The following TAS2R1 variants were observed in gnomAD, a reference collection of about 807,000 sequenced individuals.
TAS2R1 encodes the protein taste 2 receptor member 1.
For missense variants in TAS2R1, 370 were observed against 353.4 expected, an observed-to-expected ratio of 1.05 and a Z score of -0.38; for synonymous variants, 141 against 134.2, an observed-to-expected ratio of 1.05 and a Z score of -0.35.
At chr5:9,663,923 CA>C (rs1740583050) in intron 1 of TAS2R1, among the ~76,000 whole-genome samples, 2 of 152,192 alleles carry the variant, frequency 1.3e-5, no homozygotes, top group African/African-American at 4.8e-5. Context: ...GGAATGCCAA[CA>C]ATTGCCCACG....
chr5:9,768,823 CATAAG>C, the TAS2R1 span, among the ~76,000 whole-genome samples: 2 of 152,098 alleles, frequency 1.3e-5, no homozygotes, highest in African/African-American at 2.4e-5. Context: ...TTATGGGGTG[CATAAG>C]ATATTTTGAT....
chr5:9,788,964 A>G, the TAS2R1 span, among the ~76,000 whole-genome samples: 1 of 152,210 alleles, frequency 6.6e-6, no homozygotes, highest in Non-Finnish European at 1.5e-5. Context: ...GTATGCATTT[A>G]TACACATGCC....
the TAS2R1 span, among the ~76,000 whole-genome samples, chr5:9,881,443 T>C: frequency 6.6e-6 from 1 of 152,116 alleles, no homozygotes; most frequent in Non-Finnish European, 1.5e-5. Flanking sequence ...CCAAGTAATT[T>C]ATAGATTCAA....
At chr5:9,725,181 G>A in the TAS2R1 span, among the ~76,000 whole-genome samples, 8 of 152,356 alleles carry the variant, frequency 5.3e-5, no homozygotes, top group Non-Finnish European at 8.8e-5. Context: ...CGCTCTGGGC[G>A]CCTCCTCTGC....
the TAS2R1 span, among the ~76,000 whole-genome samples, chr5:9,883,746 T>C: frequency 6.6e-6 from 1 of 152,278 alleles, no homozygotes; most frequent in Non-Finnish European, 1.5e-5. Flanking sequence ...CACATGCATC[T>C]ACGATCAGCT....
At chr5:9,721,212 T>C in the TAS2R1 span, among the ~76,000 whole-genome samples, 1 of 152,366 alleles carries the variant, frequency 6.6e-6, no homozygotes, top group South Asian at 2.1e-4. Context: ...AGTTACTATG[T>C]GTGGCATGAA....
chr5:9,828,517 G>A, the TAS2R1 span, among the ~76,000 whole-genome samples: 1 of 152,204 alleles, frequency 6.6e-6, no homozygotes, highest in African/African-American at 2.4e-5. Context: ...AGTATATGGT[G>A]TGACATGAGG....
chr5:9,719,656 C>T, the TAS2R1 span, among the ~76,000 whole-genome samples: 7 of 151,496 alleles, frequency 4.6e-5, no homozygotes, highest in Non-Finnish European at 8.8e-5. Context: ...TGGCCGGGCG[C>T]GGTGGCTCAC....
chr5:9,770,404 T>C, the TAS2R1 span, among the ~76,000 whole-genome samples: 1 of 152,188 alleles, frequency 6.6e-6, no homozygotes, highest in African/African-American at 2.4e-5. Flanking sequence ...TTGGGTCTTT[T>C]GTGGTTCCAT....
chr5:9,635,449 T>C (rs1739945529), intron 2 of TAS2R1, among the ~76,000 whole-genome samples: 1 of 152,130 alleles, frequency 6.6e-6, no homozygotes. Context: ...ATTAGGGTGA[T>C]ACTGGCTTCA....
chr5:9,856,752 A>G, the TAS2R1 span, among the ~76,000 whole-genome samples: 10 of 152,332 alleles, frequency 6.6e-5, no homozygotes, highest in Non-Finnish European at 1.5e-4. Context: ...AGAAATCACC[A>G]TGAGTAAAAT....
At chr5:9,804,097 T>C in the TAS2R1 span, among the ~76,000 whole-genome samples, 1 of 152,162 alleles carries the variant, frequency 6.6e-6, no homozygotes, top group African/African-American at 2.4e-5. Flanking sequence ...ACTATTCTTA[T>C]ATCAGATAAA....
chr5:9,846,943 G>T, the TAS2R1 span, among the ~76,000 whole-genome samples: 1 of 152,154 alleles, frequency 6.6e-6, no homozygotes, highest in South Asian at 2.1e-4. Flanking sequence ...CCTCAAAGTT[G>T]CAGTCTCAGG....
At chr5:9,897,603 T>C in the TAS2R1 span, among the ~76,000 whole-genome samples, 44 of 152,350 alleles carry the variant, frequency 2.9e-4, no homozygotes, top group Admixed American at 2.2e-3. Context: ...ATAACTTTCC[T>C]GAAATGACAA....
the TAS2R1 span, among the ~76,000 whole-genome samples, chr5:9,736,657 A>T: frequency 1.3e-5 from 2 of 152,308 alleles, no homozygotes; most frequent in African/African-American, 4.8e-5. Flanking sequence ...TCCCAAATAA[A>T]GTACTTGTGT....
the TAS2R1 span, among the ~76,000 whole-genome samples, chr5:9,772,200 T>C: frequency 6.6e-6 from 1 of 152,142 alleles, no homozygotes; most frequent in Non-Finnish European, 1.5e-5. Flanking sequence ...TGGTACGTTA[T>C]ATTGCCATTA....
intron 2 of TAS2R1, among the ~76,000 whole-genome samples, chr5:9,636,383 C>A (rs1739964799): frequency 6.6e-6 from 1 of 151,892 alleles, no homozygotes; most frequent in Non-Finnish European, 1.5e-5. Context: ...GAGAATGTTC[C>A]ATGTACTGAA....
the TAS2R1 span, among the ~76,000 whole-genome samples, chr5:9,742,955 A>G: frequency 1.3e-5 from 2 of 152,316 alleles, no homozygotes; most frequent in Admixed American, 6.5e-5. Context: ...AAAAGTAGCA[A>G]CTTTAAGCAT....
the TAS2R1 span, among the ~76,000 whole-genome samples, chr5:9,822,345 ATTTTTT>A: frequency 1.8e-5 from 2 of 109,786 alleles, no homozygotes; most frequent in African/African-American, 3.5e-5. Flanking sequence ...TGCATGTGTA[ATTTTTT>A]TTTTTTTTTT....
Sources: allele counts gnomAD v4.1 joint callset (sites outside exome capture counted in the v4.1 genomes callset), GRCh38; gene constraint gnomAD v4.1.1; transcripts MANE v1.5; gene names NCBI Gene and HGNC (gene_info 2026-07-23, HGNC 2026-07-21).